TCTN2: variants seen among roughly 807,000 people sequenced by gnomAD.
TCTN2 encodes the protein tectonic-2.
A neutral mutation model predicts 83.4 loss-of-function variants in TCTN2; 66 were observed. The observed-to-expected ratio is 0.79, with a 90% CI of 0.65 to 0.97. The LOEUF (loss-of-function observed/expected upper bound fraction) is 0.97, where lower values mean the gene tolerates loss of function less well. Among genes scored for constraint, TCTN2 ranks in the 50% least tolerant of loss-of-function variants. The probability of loss-of-function intolerance (pLI) is 0.00; values close to 1 mark genes in which losing one functional copy is unlikely to be tolerated. For synonymous variants in TCTN2, 301 were observed against 326.7 expected, an observed-to-expected ratio of 0.92 and a Z score of 0.85; for missense variants, 794 against 858.1, an observed-to-expected ratio of 0.93 and a Z score of 0.93.
At chr12:123,682,468 GTTTGT>G (rs1359814271) in intron 5 of TCTN2, among the ~76,000 whole-genome samples, 2 of 143,164 alleles carry the variant, frequency 1.4e-5, no homozygotes, top group African/African-American at 5.2e-5. Context: ...TCTTTTTTTT[GTTTGT>G]TTTATTTATT....
At chr12:123,706,169 G>A (rs1423278554) in intron 15 of TCTN2, among the ~76,000 whole-genome samples, 1 of 152,156 alleles carries the variant, frequency 6.6e-6, no homozygotes, top group Non-Finnish European at 1.5e-5. Context: ...TTATTGGCTA[G>A]GCTCAGGTGA....
At chr12:123,686,803 G>T in intron 5 of TCTN2, 33 bp from the exon 6 acceptor site, 1 of 1,611,080 alleles carries the variant, frequency 6.2e-7, no homozygotes, top group South Asian at 1.1e-5. Context: ...CCTGACCACG[G>T]TCACAGCTCC....
intron 14 of TCTN2, chr12:123,700,269 T>G: frequency 3.9e-6 from 1 of 258,818 alleles, no homozygotes; most frequent in Non-Finnish European, 7.0e-6. Context: ...CCCCAACCTC[T>G]TAAACCCCAA....
In TCTN2 at chr12:123,679,801, G is replaced by A. The variant is rs540011781; in HGVS notation, c.564+512G>A. On this transcript the variant is annotated intron_variant, in intron 5 of 17. Transcript: ENST00000303372. ...GTCGCCCAGCCTGGAGTGCAGTGGC[G>A]TGATCTTGGCTCACTGCAAGCTCCG... Among the ~76,000 whole-genome samples, 12 of 143,102 alleles carry A rather than the reference G, an allele frequency of 8.4e-5. No homozygotes were observed. The East Asian group carries it at 1.3e-3, about 15-fold the overall frequency. The allele number at this position is 143,102 out of a possible 152,430, so 93.9% of individuals were successfully genotyped here.
At chr12:123,674,005 A>G (rs1319405213) in intron 4 of TCTN2, among the ~76,000 whole-genome samples, 195 bp downstream of exon 4, 2 of 152,180 alleles carry the variant, frequency 1.3e-5, no homozygotes, top group East Asian at 3.8e-4. Context: ...CTCAAAAAAA[A>G]CCAAAAACAA....
intron 14 of TCTN2, among the ~76,000 whole-genome samples, chr12:123,702,611 C>G (rs753977180): frequency 1.3e-5 from 2 of 152,206 alleles, no homozygotes. Context: ...GACCTAGATC[C>G]TCATTTGCAA....
intron 14 of TCTN2, among the ~76,000 whole-genome samples, chr12:123,701,212 G>A (rs922105843): frequency 1.3e-5 from 2 of 152,206 alleles, no homozygotes; most frequent in Non-Finnish European, 2.9e-5. Context: ...GCAATGTATA[G>A]AGACAGCAGA....
At chr12:123,693,251 C>T (rs377551401) in intron 9 of TCTN2, among the ~76,000 whole-genome samples, 13 of 151,352 alleles carry the variant, frequency 8.6e-5, no homozygotes, top group African/African-American at 3.2e-4. Flanking sequence ...GTCTCGAACT[C>T]CCGACCTCAG....
chr12:123,686,378 C>G (rs763262990), intron 5 of TCTN2, among the ~76,000 whole-genome samples: 90 of 152,000 alleles, frequency 5.9e-4, no homozygotes, highest in Non-Finnish European at 4.7e-4. Flanking sequence ...TTAATTGGGT[C>G]GTGTTATAAT....
At chr12:123,688,417 A>G (rs1275881807) in intron 7 of TCTN2, among the ~76,000 whole-genome samples, 2 of 151,944 alleles carry the variant, frequency 1.3e-5, no homozygotes, top group Non-Finnish European at 2.9e-5. Context: ...GGGTTTCACC[A>G]TGTTGACCTG....
chr12:123,680,049 A>AT (rs1350025225), intron 5 of TCTN2, among the ~76,000 whole-genome samples: 2 of 151,626 alleles, frequency 1.3e-5, no homozygotes, highest in Admixed American at 1.3e-4. Flanking sequence ...CAAATTGAGT[A>AT]TTTTTTTAAA....
intron 8 of TCTN2, among the ~76,000 whole-genome samples, chr12:123,691,174 T>C (rs530664064): frequency 6.6e-6 from 1 of 152,286 alleles, no homozygotes; most frequent in Non-Finnish European, 1.5e-5. Flanking sequence ...CCACCAGAAT[T>C]AACCCTTTTA....
At chr12:123,707,131 T>A (rs189145259) in intron 17 of TCTN2, 58 bp downstream of exon 17, 211 of 1,413,702 alleles carry the variant, frequency 1.5e-4, no homozygotes, top group African/African-American at 1.4e-5. Context: ...AAAAATTTTT[T>A]AAATGATGTC....
rs757094158 is a variant in TCTN2 at position 123,694,838 on chromosome 12, G to T, written c.1100-4G>T. ...AATTTATGAACATATTCTTGTATTT[G>T]CAGAAACTCCTTTAAATAACGGATC... is the stretch of plus-strand genomic sequence containing the variant. On this transcript the variant is annotated splice_polypyrimidine_tract_variant and splice_region_variant and intron_variant, in intron 9 of 17. Coordinates refer to ENST00000303372, the MANE Select transcript of TCTN2 (RefSeq NM_024809.5). The T allele has an allele frequency of 6.2e-7, 1 of 1,610,838 alleles. No individual in the cohort carries two copies. The highest frequency in any genetic ancestry group is 8.5e-7 in the Non-Finnish European group (1 of 1,177,622).
chr12:123,679,540 C>T (rs1312020192), intron 5 of TCTN2, among the ~76,000 whole-genome samples: 4 of 150,706 alleles, frequency 2.7e-5, no homozygotes, highest in Middle Eastern at 3.5e-3. Flanking sequence ...TGTTTTGTAT[C>T]TTTTGTAGAG....
intron 4 of TCTN2, among the ~76,000 whole-genome samples, 200 bp from the exon 5 acceptor site, chr12:123,678,989 G>A (rs1003550252): frequency 3.9e-5 from 6 of 152,166 alleles, no homozygotes; most frequent in East Asian, 3.9e-4. Context: ...AATAGAGACC[G>A]GGTTTCACCG....
chr12:123,686,422 G>A (rs1377332209), intron 5 of TCTN2, among the ~76,000 whole-genome samples: 1 of 152,176 alleles, frequency 6.6e-6, no homozygotes, highest in Non-Finnish European at 1.5e-5. Flanking sequence ...TGTGGAATAT[G>A]GAACGTTTCC....
chr12:123,682,823 A>G (rs191473437), intron 5 of TCTN2, among the ~76,000 whole-genome samples: 29 of 152,292 alleles, frequency 1.9e-4, no homozygotes, highest in African/African-American at 6.5e-4. Flanking sequence ...AGGCACAGAC[A>G]TTTAAAAATT....
At chr12:123,679,015 T>G (rs558639068) in intron 4 of TCTN2, among the ~76,000 whole-genome samples, 174 bp from the exon 5 acceptor site, 24 of 152,248 alleles carry the variant, frequency 1.6e-4, no homozygotes, top group African/African-American at 5.5e-4. Context: ...GCCAGAATGG[T>G]CTCGATCTCC....
Sources: allele counts gnomAD v4.1 joint callset (sites outside exome capture counted in the v4.1 genomes callset), GRCh38; gene constraint gnomAD v4.1.1; transcripts MANE v1.5; gene names NCBI Gene and HGNC (gene_info 2026-07-23, HGNC 2026-07-21).